The following TMEM132D variants were observed in gnomAD, a reference collection of about 807,000 sequenced individuals.
TMEM132D encodes the protein mature OL transmembrane protein.
In TMEM132D, 21 loss-of-function variants were observed where a neutral mutation model predicts 62.3. The ratio of observed to expected loss-of-function variants is 0.34; its 90% CI spans 0.24 to 0.49. The LOEUF is 0.49. Ranked by LOEUF, TMEM132D falls within the 20% of genes least tolerant of loss-of-function variation. The probability of loss-of-function intolerance (pLI) is 0.99; values close to 1 mark genes in which losing one functional copy is unlikely to be tolerated. For missense variants in TMEM132D, 1,346 were observed against 1,402.8 expected (o/e 0.96, Z 0.65); for synonymous variants, 621 against 575.6 (o/e 1.08, Z -1.13).
At chr12:129,740,640 A>G (rs1219570890) in intron 1 of TMEM132D, among the ~76,000 whole-genome samples, 1 of 152,232 alleles carries the variant, frequency 6.6e-6, no homozygotes, top group Non-Finnish European at 1.5e-5. Context: ...AAGGCTTTCA[A>G]GGATGCCACA....
intron 2 of TMEM132D, among the ~76,000 whole-genome samples, chr12:129,610,142 G>A (rs1215739537): frequency 6.6e-6 from 1 of 152,046 alleles, no homozygotes; most frequent in African/African-American, 2.4e-5. Flanking sequence ...GTGGTGGTGG[G>A]TGCCTGTAAT....
chr12:129,377,449 G>A (rs758206439), intron 3 of TMEM132D, among the ~76,000 whole-genome samples: 1 of 152,144 alleles, frequency 6.6e-6, no homozygotes, highest in East Asian at 1.9e-4. Flanking sequence ...TTAGAGAAGA[G>A]CATTCCAGGC....
intron 4 of TMEM132D, among the ~76,000 whole-genome samples, chr12:129,230,291 A>C (rs1200997465): frequency 4.5e-5 from 6 of 132,608 alleles, no homozygotes; most frequent in African/African-American, 8.7e-5. Flanking sequence ...CCCTTCCTAA[A>C]CTCCTTCTGT....
chr12:129,824,035 C>CAGGTGAG, intron 1 of TMEM132D, among the ~76,000 whole-genome samples: 1 of 152,250 alleles, frequency 6.6e-6, no homozygotes, highest in African/African-American at 2.4e-5. Flanking sequence ...GAGGGACAGA[C>CAGGTGAG]ACTCTACCGT....
At position 129,095,197 on chromosome 12, in the gene TMEM132D, A is replaced by C. The variant is rs530302417; in HGVS notation, c.1444-10495T>G. On this transcript the variant is annotated intron_variant, in intron 5 of 8. Transcript: ENST00000422113. ...TAAAGTATAATAATAATAAAATTTAAAAAAAAAGGATGAATAGATAAAAAT... is the reference window on the plus strand; with the variant it reads ...TAAAGTATAATAATAATAAAATTTACAAAAAAAGGATGAATAGATAAAAAT... Among the ~76,000 whole-genome samples, 536 of 151,892 alleles carry C rather than the reference A, an allele frequency of 3.5e-3. 2 individuals carry two copies. Among genetic ancestry groups the C allele is most frequent in the African/African-American group, 0.013 (518 of 41,430 alleles).
chr12:129,253,054 AG>A (rs1370174438), intron 4 of TMEM132D, among the ~76,000 whole-genome samples: 6 of 73,848 alleles, frequency 8.1e-5, no homozygotes, highest in Non-Finnish European at 1.5e-4. Flanking sequence ...GGGTGGGGGG[AG>A]GGGGAGGGAT....
chr12:129,482,768 C>A (rs558129052), intron 3 of TMEM132D, among the ~76,000 whole-genome samples: 2 of 147,014 alleles, frequency 1.4e-5, no homozygotes, highest in East Asian at 4.0e-4. Flanking sequence ...AATACAACAT[C>A]TTTTTTTTTT....
intron 3 of TMEM132D, among the ~76,000 whole-genome samples, chr12:129,510,950 G>T (rs1875480028): frequency 6.6e-6 from 1 of 152,102 alleles, no homozygotes; most frequent in Non-Finnish European, 1.5e-5. Context: ...GGTTACTATA[G>T]CTCAGTAGTA....
chr12:129,405,633 T>A lies in TMEM132D; in HGVS notation c.1116-67816A>T, dbSNP rs541980189. 2.6e-4 allele frequency among the ~76,000 whole-genome samples: 39 copies of A among 152,198 alleles called. 2 individuals are homozygous for A. In the South Asian group the frequency reaches 6.9e-3, roughly 27 times the overall value. On this transcript the variant is annotated intron_variant, in intron 3 of 8. Coordinates refer to ENST00000422113, the MANE Select transcript of TMEM132D (RefSeq NM_133448.3). The stretch of plus-strand genomic sequence containing the variant: ...GATGATGAATAGCAGACTTGGGGTA[T>A]CTTTTTGGGAGCAGAAGCAGCAGGA...
intron 2 of TMEM132D, among the ~76,000 whole-genome samples, chr12:129,660,335 C>T (rs958059242): frequency 2.0e-5 from 3 of 151,802 alleles, no homozygotes; most frequent in African/African-American, 7.3e-5. Context: ...CAGGGAAAGA[C>T]GTCATGATGC....
At chr12:129,424,347 T>C (rs1364024415) in intron 3 of TMEM132D, among the ~76,000 whole-genome samples, 1 of 152,190 alleles carries the variant, frequency 6.6e-6, no homozygotes, top group Non-Finnish European at 1.5e-5. Context: ...CTCAAAAGTT[T>C]TCCCATACAT....
intron 5 of TMEM132D, among the ~76,000 whole-genome samples, chr12:129,108,492 T>C (rs1875575921): frequency 6.6e-6 from 1 of 152,154 alleles, no homozygotes; most frequent in Admixed American, 6.5e-5. Flanking sequence ...CCTGTTTAGC[T>C]TGTGGCTGGG....
intron 2 of TMEM132D, among the ~76,000 whole-genome samples, chr12:129,598,849 A>G (rs369304471): frequency 8.5e-5 from 13 of 152,188 alleles, no homozygotes; most frequent in East Asian, 3.9e-4. Context: ...CTGGGAGTAC[A>G]TGTGGATGAG....
intron 3 of TMEM132D, among the ~76,000 whole-genome samples, chr12:129,505,701 T>C (rs1029173275): frequency 1.3e-5 from 2 of 152,202 alleles, no homozygotes; most frequent in African/African-American, 2.4e-5. Flanking sequence ...ATTTGGGAAC[T>C]CCAGTGTTAG....
At chr12:129,873,542 C>A (rs1874323123) in intron 1 of TMEM132D, among the ~76,000 whole-genome samples, 1 of 152,302 alleles carries the variant, frequency 6.6e-6, no homozygotes, top group South Asian at 2.1e-4. Flanking sequence ...TTTGCAGAAC[C>A]ATTTCAATGG....
At chr12:129,148,911 C>G (rs1445365738) in intron 5 of TMEM132D, among the ~76,000 whole-genome samples, 1 of 151,442 alleles carries the variant, frequency 6.6e-6, no homozygotes, top group Non-Finnish European at 1.5e-5. Flanking sequence ...GCCTAAACAG[C>G]CCCGGATGGC....
chr12:129,861,295 G>A (rs1327200788), intron 1 of TMEM132D, among the ~76,000 whole-genome samples: 2 of 152,136 alleles, frequency 1.3e-5, no homozygotes, highest in Non-Finnish European at 2.9e-5. Flanking sequence ...CTCCAAAACT[G>A]CCCTTGGTTA....
At chr12:129,206,700 C>T (rs1396505564) in intron 5 of TMEM132D, among the ~76,000 whole-genome samples, 2 of 152,162 alleles carry the variant, frequency 1.3e-5, no homozygotes, top group African/African-American at 4.8e-5. Flanking sequence ...ATGAAATTAA[C>T]CTAAATGGCC....
intron 2 of TMEM132D, among the ~76,000 whole-genome samples, chr12:129,532,913 T>G (rs767347230): frequency 6.6e-6 from 1 of 152,198 alleles, no homozygotes; most frequent in Non-Finnish European, 1.5e-5. Context: ...GAGCCTGGTC[T>G]CCTCCCCTGT....
Sources: allele counts gnomAD v4.1 joint callset (sites outside exome capture counted in the v4.1 genomes callset), GRCh38; gene constraint gnomAD v4.1.1; transcripts MANE v1.5; gene names NCBI Gene and HGNC (gene_info 2026-07-23, HGNC 2026-07-21).